The following LMX1B variants were observed in gnomAD, a reference collection of about 807,000 sequenced individuals.
LMX1B encodes LIM homeobox transcription factor 1 beta.
LMX1B carries 12 observed loss-of-function variants against 51.4 expected under a neutral mutation model. That is an observed-to-expected ratio of 0.23 (90% CI 0.15 to 0.38). LMX1B has a LOEUF of 0.38. Ranked by LOEUF, LMX1B falls within the 10% of genes least tolerant of loss-of-function variation. The pLI is 1.00. For missense variants in LMX1B, 445 were observed against 571.1 expected, an observed-to-expected ratio of 0.78 and a Z score of 2.25; for synonymous variants, 237 against 235.4, an observed-to-expected ratio of 1.01 and a Z score of -0.06.
intron 2 of LMX1B, among the ~76,000 whole-genome samples, chr9:126,628,409 G>GA (rs900895499): frequency 6.6e-5 from 10 of 152,140 alleles, no homozygotes; most frequent in Non-Finnish European, 8.8e-5. Context: ...AATCCTGGGG[G>GA]AAAAAAGAGT....
At chr9:126,659,231 C>T (rs1202935903) in intron 2 of LMX1B, among the ~76,000 whole-genome samples, 1 of 152,244 alleles carries the variant, frequency 6.6e-6, no homozygotes, top group East Asian at 1.9e-4. Context: ...CTGTCTGGTT[C>T]TTGTCCTGGC....
Position 126,614,546 on chromosome 9 carries a change from C to A in LMX1B, c.97C>A (p.His33Asn). 1 of 1,599,912 alleles carries A rather than the reference C, an allele frequency of 6.3e-7. No individual in the cohort carries two copies. Among genetic ancestry groups the A allele is most frequent in the Non-Finnish European group, 8.5e-7 (1 of 1,174,138 alleles). Residue 33 changes from histidine to asparagine, a missense_variant, in exon 1 of 8, where the codon CAC becomes AAC. Physicochemically the swap from His to Asn is moderately conservative, Grantham distance 68. Transcript: ENST00000373474. ...KMLDGIKMEE[H>N]ALRPGPATLG... ...GTTGGACGGCATCAAGATGGAGGAG[C>A]ACGCCCTGCGCCCCGGGCCCGCCAC... is the stretch of plus-strand genomic sequence containing the variant.
At chr9:126,619,297 A>G (rs899919826) in intron 2 of LMX1B, among the ~76,000 whole-genome samples, 9 of 152,042 alleles carry the variant, frequency 5.9e-5, no homozygotes, top group Non-Finnish European at 4.4e-5. Context: ...CACACTCCCC[A>G]TCCAGCTCCC....
At chr9:126,642,201 C>T (rs763116297) in intron 2 of LMX1B, among the ~76,000 whole-genome samples, 6 of 152,182 alleles carry the variant, frequency 3.9e-5, no homozygotes, top group Non-Finnish European at 5.9e-5. Flanking sequence ...CTGGCACACC[C>T]GGGCCTGGGA....
intron 3 of LMX1B, 125 bp downstream of exon 3, chr9:126,691,193 A>G (rs2030117891): frequency 2.9e-6 from 2 of 680,962 alleles, no homozygotes; most frequent in African/African-American, 1.8e-5. Context: ...CAGATGGTAC[A>G]TGCATATCCA....
chr9:126,643,603 G>T (rs377029359), intron 2 of LMX1B, among the ~76,000 whole-genome samples: 2 of 152,128 alleles, frequency 1.3e-5, no homozygotes, highest in Non-Finnish European at 2.9e-5. Flanking sequence ...CATTATCCCA[G>T]CTGGGACACT....
chr9:126,614,070 G>GCCCCTGCACCCCCA lies in LMX1B; in HGVS notation c.-375_-362dup, dbSNP rs1835244045. Among the ~76,000 whole-genome samples the GCCCCTGCACCCCCA allele has an allele frequency of 9.6e-6, 1 of 103,822 alleles. No homozygotes were observed. The highest frequency in any genetic ancestry group is 3.2e-4 in the East Asian group (1 of 3,090). 68.1% of individuals were successfully genotyped at this position (103,822 alleles called of 152,430 possible). A position where few individuals can be genotyped will look rare whatever the true frequency, so the allele number is the denominator to read the frequency against. On this transcript the variant is annotated 5_prime_UTR_variant, in exon 1 of 8. Transcript: ENST00000373474. ...CGCCCCCCCCGCGGCCCGCGGGGCC[G>GCCCCTGCACCCCCA]CCCCTGCACCCCCACCCCCTCCCCC... is the stretch of plus-strand genomic sequence containing the variant.
chr9:126,637,441 T>A (rs1405822680), intron 2 of LMX1B, among the ~76,000 whole-genome samples: 1 of 150,264 alleles, frequency 6.7e-6, no homozygotes, highest in African/African-American at 2.5e-5. Flanking sequence ...TGTGCACTGG[T>A]GCAGTCAGGC....
At chr9:126,689,088 C>T (rs1174380613) in intron 2 of LMX1B, among the ~76,000 whole-genome samples, 2 of 152,194 alleles carry the variant, frequency 1.3e-5, no homozygotes, top group African/African-American at 4.8e-5. Context: ...AGGCTACCTC[C>T]CCCAGACTGG....
At chr9:126,650,705 AG>A (rs1835986194) in intron 2 of LMX1B, among the ~76,000 whole-genome samples, 1 of 152,218 alleles carries the variant, frequency 6.6e-6, no homozygotes, top group African/African-American at 2.4e-5. Flanking sequence ...TGGCCGGGGC[AG>A]GCAGGAGCCC....
chr9:126,693,363 G>A lies in LMX1B; in HGVS notation c.741+40G>A, dbSNP rs373761001. On this transcript the variant is annotated intron_variant, in intron 4 of 7. Coordinates refer to ENST00000373474, the MANE Select transcript of LMX1B (RefSeq NM_001174147.2). The stretch of plus-strand genomic sequence containing the variant: ...GGGGGCGGGGCTCAGGCTGATGCCC[G>A]CACACCCACTGCCTTTCTGGAGACC... 4.2e-4 allele frequency: 660 copies of A among 1,570,724 alleles called. 1 individual carries two copies. The highest frequency in any genetic ancestry group is 9.8e-4 in the Admixed American group (54 of 54,874).
At chr9:126,644,713 GCCCTT>G (rs879344395) in intron 2 of LMX1B, among the ~76,000 whole-genome samples, 2 of 152,166 alleles carry the variant, frequency 1.3e-5, no homozygotes, top group Non-Finnish European at 2.9e-5. Flanking sequence ...CCGTGTCCCT[GCCCTT>G]CCCTGAGCCT....
chr9:126,665,549 T>A (rs1012246845), intron 2 of LMX1B, among the ~76,000 whole-genome samples: 3 of 152,082 alleles, frequency 2.0e-5, no homozygotes, highest in African/African-American at 7.2e-5. Context: ...GGCGGGAGGC[T>A]CCTCTTACCA....
intron 2 of LMX1B, among the ~76,000 whole-genome samples, chr9:126,642,104 T>C (rs1835819678): frequency 1.3e-5 from 2 of 152,274 alleles, no homozygotes; most frequent in South Asian, 4.2e-4. Flanking sequence ...AGGCAGTTTG[T>C]GCTCATATGT....
chr9:126,648,128 G>A (rs1487046729), intron 2 of LMX1B, among the ~76,000 whole-genome samples: 1 of 152,242 alleles, frequency 6.6e-6, no homozygotes, highest in Non-Finnish European at 1.5e-5. Context: ...ACTGGGAAAA[G>A]GGAAGGGGAG....
At chr9:126,669,895 G>C (rs1836418483) in intron 2 of LMX1B, among the ~76,000 whole-genome samples, 1 of 152,160 alleles carries the variant, frequency 6.6e-6, no homozygotes, top group South Asian at 2.1e-4. Context: ...CCATGAGGCA[G>C]GACAGGAACC....
chr9:126,629,947 C>A (rs1256589225), intron 2 of LMX1B, among the ~76,000 whole-genome samples: 1 of 151,894 alleles, frequency 6.6e-6, no homozygotes, highest in African/African-American at 2.4e-5. Context: ...AGATCGAGAC[C>A]ATCCTGGTTA....
In LMX1B at chr9:126,698,137, A is replaced by T. The variant is rs942764526; in HGVS notation, c.*1686A>T. ...TGATCCGCCTGCCTCGGCCTCCCAA[A>T]GTGCTGGGATTACAGGCGTGAGCCA... On this transcript the variant is annotated 3_prime_UTR_variant, in exon 8 of 8. Transcript: ENST00000373474. 6.6e-6 allele frequency: 1 copy of T among 152,492 alleles called. No individual in the cohort carries two copies. The highest frequency in any genetic ancestry group is 1.5e-5 in the Non-Finnish European group (1 of 68,312). The allele number at this position is 152,492 out of a possible 1,614,324, so 9.4% of individuals were successfully genotyped here. A position where few individuals can be genotyped will look rare whatever the true frequency, so the allele number is the denominator to read the frequency against.
intron 3 of LMX1B, among the ~76,000 whole-genome samples, chr9:126,691,993 G>A (rs931249248): frequency 6.6e-6 from 1 of 152,246 alleles, no homozygotes; most frequent in Non-Finnish European, 1.5e-5. Flanking sequence ...TTTGGTCCTT[G>A]TTCTTCCTGG....
Sources: gnomAD v4.1 joint callset for allele counts (sites outside exome capture counted in the v4.1 genomes callset) on GRCh38, gnomAD v4.1.1 for gene constraint, MANE v1.5 for transcripts, NCBI Gene and HGNC (gene_info 2026-07-23, HGNC 2026-07-21) for gene names.